EFCAB5: variants seen among roughly 807,000 people sequenced by gnomAD.
EFCAB5 encodes EF-hand calcium-binding domain-containing protein 5.
A neutral mutation model predicts 167.9 loss-of-function variants in EFCAB5; 131 were observed. That is an observed-to-expected ratio of 0.78 (90% CI 0.68 to 0.90). The LOEUF (loss-of-function observed/expected upper bound fraction) is 0.90. EFCAB5 is among the 40% of genes least tolerant of loss of function. The pLI, the probability that EFCAB5 is intolerant of heterozygous loss-of-function variation, is 0.00. For synonymous variants in EFCAB5, 574 were observed against 602.8 expected, an observed-to-expected ratio of 0.95 and a Z score of 0.70; for missense variants, 1,663 against 1,745.2, an observed-to-expected ratio of 0.95 and a Z score of 0.84.
intron 7 of EFCAB5, among the ~76,000 whole-genome samples, chr17:30,008,417 T>A (rs1011700458): frequency 6.6e-6 from 1 of 151,968 alleles, no homozygotes; most frequent in African/African-American, 2.4e-5. Flanking sequence ...ACATGGTGAA[T>A]CCTGTCTCTA....
intron 3 of EFCAB5, among the ~76,000 whole-genome samples, chr17:29,959,175 G>T (rs533595645): frequency 6.6e-6 from 1 of 152,062 alleles, no homozygotes; most frequent in African/African-American, 2.4e-5. Flanking sequence ...TTTATTCAAG[G>T]CCCAAGGGCT....
At chr17:30,049,801 A>G (rs1337261453) in intron 8 of EFCAB5, among the ~76,000 whole-genome samples, 2 of 152,230 alleles carry the variant, frequency 1.3e-5, no homozygotes, top group Admixed American at 1.3e-4. Flanking sequence ...TTGTGAAGCA[A>G]TTTGGCTATA....
intron 22 of EFCAB5, among the ~76,000 whole-genome samples, chr17:30,094,589 G>C (rs923587987): frequency 7.2e-5 from 11 of 152,094 alleles, no homozygotes; most frequent in African/African-American, 2.7e-4. Flanking sequence ...AGGCTGAGGT[G>C]GGAGATCACT....
In EFCAB5 at chr17:30,082,925, A is replaced by G; in HGVS notation, c.3461A>G (p.Tyr1154Cys). 2 of 1,613,926 alleles carry G rather than the reference A, an allele frequency of 1.2e-6. No individual in the cohort carries two copies. Among genetic ancestry groups the G allele is most frequent in the Non-Finnish European group, 1.7e-6 (2 of 1,179,852 alleles). The change falls in exon 18 of 23, where the codon TAC becomes TGC. Residue 1154 changes from tyrosine (Y) to cysteine (C), a missense_variant. Tyr to Cys is a radical substitution (Grantham distance 194, BLOSUM62 -2). Transcript: ENST00000394835. ...VANVFSTAYH[Y>C]VHSREHILHI... ...AATGTCTTTAGCACTGCCTATCACTACGTCCACAGCCGGGAGCACATTCTG... is the reference window on the plus strand; with the variant it reads ...AATGTCTTTAGCACTGCCTATCACTGCGTCCACAGCCGGGAGCACATTCTG...
intron 3 of EFCAB5, among the ~76,000 whole-genome samples, chr17:29,944,655 C>A (rs2067362602): frequency 7.3e-6 from 1 of 137,492 alleles, no homozygotes; most frequent in South Asian, 2.3e-4. Context: ...CGAAGTTTTG[C>A]GCTTGTTGCC....
At chr17:29,963,946 C>T (rs2067773025) in intron 3 of EFCAB5, among the ~76,000 whole-genome samples, 1 of 152,116 alleles carries the variant, frequency 6.6e-6, no homozygotes, top group Non-Finnish European at 1.5e-5. Context: ...TTCCCTCTCT[C>T]TCTCTTGCTC....
In EFCAB5 at chr17:29,941,803, G is replaced by C; in HGVS notation, c.7G>C (p.Glu3Gln). MN[E>Q]SASQEELRPA... ...GATAACTTTTGGAGTCCAAATGAAT[G>C]AGTCAGCATCTCAAGAGGAACTCAG... Residue 3 changes from glutamate (E) to glutamine (Q), a missense_variant, in exon 1 of 23, where the codon GAG becomes CAG. Transcript: ENST00000394835. 6.2e-7 allele frequency: 1 copy of C among 1,605,412 alleles called. No homozygotes were observed. Among genetic ancestry groups the C allele is most frequent in the South Asian group, 1.1e-5 (1 of 89,478 alleles).
At chr17:30,024,632 C>A (rs1899712999) in intron 7 of EFCAB5, among the ~76,000 whole-genome samples, 1 of 151,748 alleles carries the variant, frequency 6.6e-6, no homozygotes, top group African/African-American at 2.4e-5. Context: ...AGATTCAATG[C>A]CATCCCCATC....
chr17:29,989,102 G>C (rs1684569277), intron 4 of EFCAB5, among the ~76,000 whole-genome samples: 1 of 152,158 alleles, frequency 6.6e-6, no homozygotes, highest in Admixed American at 6.5e-5. Context: ...ATGTCCCCTA[G>C]TAATTTTTGA....
intron 3 of EFCAB5, among the ~76,000 whole-genome samples, chr17:29,967,870 C>A (rs1475013304): frequency 6.6e-6 from 1 of 151,246 alleles, no homozygotes; most frequent in Non-Finnish European, 1.5e-5. Context: ...TTTGCTTACT[C>A]ACCACACATT....
chr17:29,941,640 C>A lies in EFCAB5; in HGVS notation c.-157C>A. The A allele has an allele frequency of 1.8e-6, 1 of 568,832 alleles. No individual in the cohort carries two copies. Among genetic ancestry groups the A allele is most frequent in the Non-Finnish European group, 3.1e-6 (1 of 324,086 alleles). 35.2% of individuals were successfully genotyped at this position (568,832 alleles called of 1,614,324 possible). ...GTTCAGCAGTTGAGAATTTATCATT[C>A]AATAGAATTGTGGGGTGAGGTGAGG... On this transcript the variant is annotated 5_prime_UTR_variant, in exon 1 of 23. Coordinates refer to ENST00000394835, the MANE Select transcript of EFCAB5 (RefSeq NM_198529.4).
intron 7 of EFCAB5, among the ~76,000 whole-genome samples, chr17:30,001,961 G>A (rs1474444329): frequency 6.6e-6 from 1 of 152,176 alleles, no homozygotes; most frequent in Admixed American, 6.5e-5. Flanking sequence ...GACAGAGCTA[G>A]ACTAGACCCA....
intron 7 of EFCAB5, among the ~76,000 whole-genome samples, chr17:30,010,910 G>A (rs1383430033): frequency 2.0e-5 from 3 of 152,156 alleles, no homozygotes; most frequent in Admixed American, 1.3e-4. Context: ...TAATGCCTAG[G>A]TTTTCTTCTA....
intron 5 of EFCAB5, 27 bp downstream of exon 5, chr17:29,993,348 A>C (rs753651714): frequency 4.4e-6 from 7 of 1,599,504 alleles, no homozygotes; most frequent in Non-Finnish European, 5.1e-6. Context: ...TATATGTGAA[A>C]GGTAGGTGGG....
At chr17:30,039,206 C>T (rs1422363578) in intron 8 of EFCAB5, among the ~76,000 whole-genome samples, 1 of 152,144 alleles carries the variant, frequency 6.6e-6, no homozygotes, top group African/African-American at 2.4e-5. Flanking sequence ...CTGGGAAGGA[C>T]CCTACCTCGT....
intron 7 of EFCAB5, among the ~76,000 whole-genome samples, chr17:30,010,398 G>T (rs1364963476): frequency 6.6e-6 from 1 of 152,130 alleles, no homozygotes. Context: ...TTCCACAATG[G>T]TTGAACTAGT....
At position 29,941,838 on chromosome 17, in the gene EFCAB5, G is replaced by A. The variant is rs376120985; in HGVS notation, c.42G>A (p.Gln14=). 1.1e-5 allele frequency: 17 copies of A among 1,602,740 alleles called. No individual in the cohort carries two copies. The African/African-American group carries it at 1.2e-4, about 11-fold the overall frequency. The change falls in exon 1 of 23, where the codon CAG becomes CAA. Residue 14 remains glutamine, a splice_region_variant and synonymous_variant. Transcript: ENST00000394835. ...CTCAAGAGGAACTCAGACCTGCTCA[G>A]GTTCTTGTCCTACATAGGTTTATCA... ...SASQEELRPA[Q]ENRKEDKERK...
chr17:29,940,585 T>C (rs948589008), upstream of EFCAB5, among the ~76,000 whole-genome samples: 3 of 152,208 alleles, frequency 2.0e-5, no homozygotes, highest in African/African-American at 7.2e-5. Context: ...GTTGAGAATA[T>C]ACAGTTGGGA....
chr17:30,072,904 C>T lies in EFCAB5; in HGVS notation c.2738-5311C>T, dbSNP rs138044553. On this transcript the variant is annotated intron_variant, in intron 14 of 22. Coordinates refer to ENST00000394835, the MANE Select transcript of EFCAB5 (RefSeq NM_198529.4). ...CAACTTTTCATTTATTCATTTATAG[C>T]AGTATGTATTCATGGTTTCCTTTTT... is the stretch of plus-strand genomic sequence containing the variant. Among the ~76,000 whole-genome samples the T allele has an allele frequency of 7.9e-5, 12 of 152,130 alleles. 1 individual carries two copies. The highest frequency in any genetic ancestry group is 2.6e-4 in the African/African-American group (11 of 41,518).
Sources: allele counts gnomAD v4.1 joint callset (sites outside exome capture counted in the v4.1 genomes callset), GRCh38; gene constraint gnomAD v4.1.1; transcripts MANE v1.5; gene names NCBI Gene and HGNC (gene_info 2026-07-23, HGNC 2026-07-21).